The following PTPRD variants were observed in gnomAD, a reference collection of about 807,000 sequenced individuals.
PTPRD encodes the protein protein tyrosine phosphatase receptor type D.
PTPRD carries 34 observed loss-of-function variants against 214.5 expected under a neutral mutation model. The observed-to-expected ratio is 0.16, with a 90% CI of 0.12 to 0.21. PTPRD has a LOEUF of 0.21. PTPRD is among the 10% of genes least tolerant of loss of function. PTPRD has a pLI of 1.00. For missense variants in PTPRD, 2,545 were observed against 2,398.7 expected (o/e 1.06, Z -1.27); for synonymous variants, 1,128 against 845.7 (o/e 1.33, Z -5.79).
chr9:9,447,129 C>T (rs558912588), intron 8 of PTPRD, among the ~76,000 whole-genome samples: 3 of 152,140 alleles, frequency 2.0e-5, no homozygotes, highest in East Asian at 1.9e-4. Context: ...GACCAAAAAT[C>T]GGAATTACTA....
At chr9:10,368,061 G>T (rs1168466394) in intron 2 of PTPRD, among the ~76,000 whole-genome samples, 1 of 152,026 alleles carries the variant, frequency 6.6e-6, no homozygotes, top group Non-Finnish European at 1.5e-5. Flanking sequence ...GCTATAGCAG[G>T]TGTTTTCAAC....
At chr9:9,381,866 G>A (rs536376107) in intron 9 of PTPRD, among the ~76,000 whole-genome samples, 1 of 150,578 alleles carries the variant, frequency 6.6e-6, no homozygotes, top group South Asian at 2.1e-4. Context: ...AATCTTTTGT[G>A]GTTCCATGTG....
At chr9:9,893,635 C>T (rs2153787522) in intron 5 of PTPRD, among the ~76,000 whole-genome samples, 1 of 152,130 alleles carries the variant, frequency 6.6e-6, no homozygotes, top group South Asian at 2.1e-4. Flanking sequence ...GAGAATTGAA[C>T]ATGCTTAAAA....
At chr9:9,208,020 C>CTTGTTTTTTTTTTTTTTTTTT (rs2099945997) in intron 9 of PTPRD, among the ~76,000 whole-genome samples, 1 of 53,260 alleles carries the variant, frequency 1.9e-5, no homozygotes, top group East Asian at 7.3e-4. Context: ...TATATATCTG[C>CTTGTTTTTTTTTTTTTTTTTT]TTTTTTTTTT....
At chr9:10,116,457 C>T (rs2098732066) in intron 3 of PTPRD, among the ~76,000 whole-genome samples, 1 of 151,996 alleles carries the variant, frequency 6.6e-6, no homozygotes, top group South Asian at 2.1e-4. Context: ...TTAATATTGC[C>T]ACAGATACCT....
chr9:9,095,825 T>C (rs1228741359), intron 10 of PTPRD, among the ~76,000 whole-genome samples: 1 of 152,194 alleles, frequency 6.6e-6, no homozygotes, highest in African/African-American at 2.4e-5. Context: ...AGTATTGTTC[T>C]CAATAGCCAA....
intron 17 of PTPRD, 67 bp downstream of exon 17, chr9:8,526,560 T>G: frequency 2.1e-5 from 29 of 1,381,886 alleles, no homozygotes; most frequent in African/African-American, 2.9e-5. Context: ...AGGACAAAGA[T>G]GAGAGGGATG....
At chr9:10,417,735 G>A (rs2154514485) in intron 2 of PTPRD, among the ~76,000 whole-genome samples, 1 of 151,874 alleles carries the variant, frequency 6.6e-6, no homozygotes, top group Non-Finnish European at 1.5e-5. Flanking sequence ...CCTTCCCCAT[G>A]AGAATACATG....
intron 14 of PTPRD, among the ~76,000 whole-genome samples, chr9:8,628,643 C>T (rs561326387): frequency 2.0e-5 from 3 of 150,464 alleles, no homozygotes; most frequent in South Asian, 2.1e-4. Context: ...CAGAACAGAA[C>T]AGGGAAGTTA....
intron 2 of PTPRD, among the ~76,000 whole-genome samples, chr9:10,568,742 C>T (rs1416037410): frequency 6.6e-6 from 1 of 152,052 alleles, no homozygotes; most frequent in Non-Finnish European, 1.5e-5. Flanking sequence ...AAACTGGATC[C>T]CTTCCTTACA....
At chr9:8,487,797 C>G (rs1348358304) in intron 27 of PTPRD, among the ~76,000 whole-genome samples, 1 of 149,940 alleles carries the variant, frequency 6.7e-6, no homozygotes, top group East Asian at 2.0e-4. Context: ...GCAACAAGAG[C>G]AAATTCCGTC....
intron 11 of PTPRD, among the ~76,000 whole-genome samples, chr9:8,979,731 G>A (rs1186316377): frequency 3.3e-5 from 5 of 152,034 alleles, no homozygotes; most frequent in Non-Finnish European, 5.9e-5. Context: ...AGTAAGACAA[G>A]AGATAACAAA....
intron 3 of PTPRD, among the ~76,000 whole-genome samples, chr9:10,160,995 A>G (rs2099124234): frequency 6.6e-6 from 1 of 151,972 alleles, no homozygotes; most frequent in South Asian, 2.1e-4. Flanking sequence ...TAAAATGCCT[A>G]GAAATCAATT....
At chr9:10,439,151 T>C (rs2098742138) in intron 2 of PTPRD, among the ~76,000 whole-genome samples, 2 of 151,970 alleles carry the variant, frequency 1.3e-5, no homozygotes, top group African/African-American at 4.8e-5. Flanking sequence ...TTAAGCCATT[T>C]AGTCTGTTTC....
chr9:9,979,236 T>C (rs1283461898), intron 4 of PTPRD, among the ~76,000 whole-genome samples: 1 of 152,076 alleles, frequency 6.6e-6, no homozygotes, highest in African/African-American at 2.4e-5. Flanking sequence ...ATAAAAGCCT[T>C]TTAAAATTAT....
intron 3 of PTPRD, among the ~76,000 whole-genome samples, chr9:10,223,373 T>A (rs377309851): frequency 6.6e-6 from 1 of 151,982 alleles, no homozygotes; most frequent in Non-Finnish European, 1.5e-5. Flanking sequence ...GTTATTAAAG[T>A]AGTTAACCCA....
intron 10 of PTPRD, among the ~76,000 whole-genome samples, chr9:9,161,947 C>G (rs2381969): frequency 6.6e-6 from 1 of 151,636 alleles, no homozygotes; most frequent in Non-Finnish European, 1.5e-5. Context: ...GTACAGCCTT[C>G]AAATGCATTT....
intron 4 of PTPRD, among the ~76,000 whole-genome samples, chr9:9,947,413 T>TA (rs2092791955): frequency 2.7e-5 from 1 of 36,976 alleles, no homozygotes; most frequent in African/African-American, 1.9e-4. Context: ...TAATATATAT[T>TA]TTATATATAT....
At chr9:9,960,242 G>C (rs2094262959) in intron 4 of PTPRD, among the ~76,000 whole-genome samples, 2 of 149,654 alleles carry the variant, frequency 1.3e-5, no homozygotes, top group South Asian at 2.1e-4. Flanking sequence ...AAAAAATAGT[G>C]TGTCAAAGGA....
Sources: gnomAD v4.1 joint callset for allele counts (sites outside exome capture counted in the v4.1 genomes callset) on GRCh38, gnomAD v4.1.1 for gene constraint, MANE v1.5 for transcripts, NCBI Gene and HGNC (gene_info 2026-07-23, HGNC 2026-07-21) for gene names.